RAB8B: variants seen among roughly 807,000 people sequenced by gnomAD.
The protein encoded by RAB8B is ras-related protein Rab-8B.
RAB8B carries 11 observed loss-of-function variants against 32.0 expected under a neutral mutation model. That is an observed-to-expected ratio of 0.34 (90% CI 0.22 to 0.57). RAB8B has a LOEUF of 0.57. RAB8B is among the 20% of genes least tolerant of loss of function. The pLI is 0.86. For synonymous variants in RAB8B, 103 were observed against 89.6 expected, an observed-to-expected ratio of 1.15 and a Z score of -0.85; for missense variants, 190 against 258.5, an observed-to-expected ratio of 0.73 and a Z score of 1.82.
At chr15:63,225,193 T>C (rs1179921407) in intron 1 of RAB8B, among the ~76,000 whole-genome samples, 9 of 152,240 alleles carry the variant, frequency 5.9e-5, no homozygotes, top group Admixed American at 6.5e-5. Context: ...TCTTAGCCTT[T>C]GTTAATGTAA....
At chr15:63,258,121 G>T (rs549342473) in intron 5 of RAB8B, among the ~76,000 whole-genome samples, 262 of 147,410 alleles carry the variant, frequency 1.8e-3, no homozygotes, top group African/African-American at 6.0e-3. Context: ...TTTTATTTGA[G>T]ATGGAGTTTC....
At chr15:63,226,568 C>T (rs932205090) in intron 1 of RAB8B, among the ~76,000 whole-genome samples, 9 of 152,176 alleles carry the variant, frequency 5.9e-5, no homozygotes, top group African/African-American at 1.4e-4. Context: ...CAAGATCTGC[C>T]GTCTATGGTT....
chr15:63,254,571 T>C (rs2038144770), intron 3 of RAB8B, among the ~76,000 whole-genome samples: 1 of 152,076 alleles, frequency 6.6e-6, no homozygotes, highest in African/African-American at 2.4e-5. Flanking sequence ...GATTTTGCAG[T>C]AGCATACAGG....
chr15:63,248,774 G>A lies in RAB8B; in HGVS notation c.186-871G>A, dbSNP rs2038091577. On this transcript the variant is annotated intron_variant, in intron 2 of 7. Transcript: ENST00000321437. The surrounding 1 kb of genome is among the most constrained non-coding windows in gnomAD (Gnocchi z 4.4). Reference sequence around the variant, plus strand: ...TCCCTTGGGCCTTCATCTTTTATTAGGATTTGGTATATACTAGATTTCTAG... The same window carrying A: ...TCCCTTGGGCCTTCATCTTTTATTAAGATTTGGTATATACTAGATTTCTAG... Among the ~76,000 whole-genome samples, 1 of 151,896 alleles carries A rather than the reference G, an allele frequency of 6.6e-6. No individual in the cohort carries two copies. Among genetic ancestry groups the A allele is most frequent in the African/African-American group, 2.4e-5 (1 of 41,318 alleles).
chr15:63,263,784 C>T lies in RAB8B; in HGVS notation c.*165C>T, dbSNP rs1014666412. ...GCCAAGTGGATTCCAGCCTCATGGC[C>T]TAGCAAAAGAACAGACTCCCTTTTT... On this transcript the variant is annotated 3_prime_UTR_variant, in exon 8 of 8. Coordinates refer to ENST00000321437, the MANE Select transcript of RAB8B (RefSeq NM_016530.3). 41 of 522,236 alleles carry T rather than the reference C, an allele frequency of 7.9e-5. No individual in the cohort carries two copies. The highest frequency in any genetic ancestry group is 1.4e-4 in the Admixed American group (4 of 29,108). 32.4% of individuals were successfully genotyped at this position (522,236 alleles called of 1,614,324 possible). A position where few individuals can be genotyped will look rare whatever the true frequency, so the allele number is the denominator to read the frequency against.
At chr15:63,250,442 T>G (rs1490522273) in intron 3 of RAB8B, among the ~76,000 whole-genome samples, 3 of 152,208 alleles carry the variant, frequency 2.0e-5, no homozygotes, top group Non-Finnish European at 4.4e-5. Flanking sequence ...GTCATCCCCC[T>G]GACCACCATT....
intron 6 of RAB8B, among the ~76,000 whole-genome samples, chr15:63,260,060 C>G (rs1413324169): frequency 6.6e-6 from 1 of 152,164 alleles, no homozygotes; most frequent in Non-Finnish European, 1.5e-5. Context: ...GTCTCGATCT[C>G]TTGACCTCGT....
rs1401327596 is a variant in RAB8B at position 63,266,170 on chromosome 15, A to T, written c.*2551A>T. ...TGTGAACATTTTTGTGGTCTTATGG[A>T]TAAGGTACATGAAGATTTTTGCAGC... On this transcript the variant is annotated 3_prime_UTR_variant, in exon 8 of 8. Coordinates refer to ENST00000321437, the MANE Select transcript of RAB8B (RefSeq NM_016530.3). 1.3e-5 allele frequency: 2 copies of T among 152,530 alleles called. No homozygotes were observed. The highest frequency in any genetic ancestry group is 2.9e-5 in the Non-Finnish European group (2 of 67,992). The allele number at this position is 152,530 out of a possible 1,614,324, so 9.4% of individuals were successfully genotyped here. A position where few individuals can be genotyped will look rare whatever the true frequency, so the allele number is the denominator to read the frequency against.
In RAB8B at chr15:63,248,158, C is replaced by CT. The variant is rs1238633286; in HGVS notation, c.186-1481dup. Among the ~76,000 whole-genome samples the CT allele has an allele frequency of 6.6e-6, 1 of 152,124 alleles. No homozygotes were observed. The highest frequency in any genetic ancestry group is 1.5e-5 in the Non-Finnish European group (1 of 68,016). ...CAAAGAAAATGACAGGATAAGATGGCTTTTTTGTAAGGCCTGGCCCAGAGC... is the reference window on the plus strand; with the variant it reads ...CAAAGAAAATGACAGGATAAGATGGCTTTTTTTGTAAGGCCTGGCCCAGAGC... On this transcript the variant is annotated intron_variant, in intron 2 of 7. Transcript: ENST00000321437. This position sits in a 1 kb window ranked among gnomAD's most constrained non-coding sequence, Gnocchi z 4.4.
At position 63,254,067 on chromosome 15, in the gene RAB8B, A is replaced by C. The variant is rs148511770; in HGVS notation, c.247-1440A>C. On this transcript the variant is annotated intron_variant, in intron 3 of 7. Transcript: ENST00000321437. ...TCAGCTTGTGCCCTCCGCCCATTAG[A>C]TCTGTGCAGCCTTGCCAAGCTGACT... Among the ~76,000 whole-genome samples, 316 of 152,248 alleles carry C rather than the reference A, an allele frequency of 2.1e-3. 6 individuals carry two copies. In the South Asian group the frequency reaches 0.031, roughly 15 times the overall value.
chr15:63,244,741 T>A lies in RAB8B; in HGVS notation c.125-15T>A. 1.3e-6 allele frequency: 2 copies of A among 1,542,598 alleles called. No homozygotes were observed. Among genetic ancestry groups the A allele is most frequent in the Non-Finnish European group, 1.8e-6 (2 of 1,120,168 alleles). ...CTGAAGAAACTTAACATATCTTTCT[T>A]TGTTTTTCTGGCAGGAATTGATTTT... is the stretch of plus-strand genomic sequence containing the variant. On this transcript the variant is annotated splice_polypyrimidine_tract_variant and intron_variant, in intron 1 of 7. Coordinates refer to ENST00000321437, the MANE Select transcript of RAB8B (RefSeq NM_016530.3).
chr15:63,192,143 T>C (rs1402868151), intron 1 of RAB8B, among the ~76,000 whole-genome samples: 1 of 152,232 alleles, frequency 6.6e-6, no homozygotes, highest in Non-Finnish European at 1.5e-5. Flanking sequence ...CCCATACCTC[T>C]TATTTAGCCC....
In RAB8B at chr15:63,256,562, A is replaced by G; in HGVS notation, c.382A>G (p.Lys128Glu). Residue 128 changes from lysine (K) to glutamate (E), a missense_variant, in exon 5 of 8, where the codon AAA becomes GAA. This residue lies in a region of RAB8B where 110 missense variants were observed against 115.9 expected (regional missense o/e 0.95). Transcript: ENST00000321437. ...GGGTAACAAATGTGATATGAATGAC[A>G]AAAGACAAGTGTCAAAAGAAAGAGG... Reference protein sequence around the residue: ...ILGNKCDMNDKRQVSKERGEK... With the variant: ...ILGNKCDMNDERQVSKERGEK... 6.2e-7 allele frequency: 1 copy of G among 1,604,848 alleles called. No individual in the cohort carries two copies. Among genetic ancestry groups the G allele is most frequent in the Non-Finnish European group, 8.5e-7 (1 of 1,176,782 alleles).
At chr15:63,241,156 A>G (rs928257285) in intron 1 of RAB8B, among the ~76,000 whole-genome samples, 1 of 152,214 alleles carries the variant, frequency 6.6e-6, no homozygotes, top group Non-Finnish European at 1.5e-5. Context: ...CAGCCTGGTC[A>G]ACATGGTGAA....
In RAB8B at chr15:63,244,823, A is replaced by G. The variant is rs776747480; in HGVS notation, c.185+7A>G. On this transcript the variant is annotated splice_region_variant and intron_variant, in intron 2 of 7. Coordinates refer to ENST00000321437, the MANE Select transcript of RAB8B (RefSeq NM_016530.3). ...AAATTAAGCTTCAGATATGGTAAGT[A>G]AACACACACACAGAGTTTCTGCTTT... 4.4e-5 allele frequency: 69 copies of G among 1,565,458 alleles called. No individual in the cohort carries two copies. In the South Asian group the frequency reaches 6.8e-4, roughly 15 times the overall value.
In RAB8B at chr15:63,189,670, G is replaced by A; in HGVS notation, c.46G>A (p.Asp16Asn). ...TCTCTTCAAGCTCCTGCTGATCGGC[G>A]ACTCGGGGGTAGGCAAGACCTGCCT... ...DYLFKLLLIGDSGVGKTCLLF... is the reference protein window; with the variant it reads ...DYLFKLLLIGNSGVGKTCLLF... Residue 16 changes from aspartate to asparagine, a missense_variant, in exon 1 of 8, where the codon GAC becomes AAC. Coordinates refer to ENST00000321437, the MANE Select transcript of RAB8B (RefSeq NM_016530.3). The A allele has an allele frequency of 1.2e-6, 2 of 1,614,008 alleles. No homozygotes were observed. Among genetic ancestry groups the A allele is most frequent in the Middle Eastern group, 1.6e-4 (1 of 6,062 alleles).
At chr15:63,255,665 C>A (rs1339867068) in intron 4 of RAB8B, 81 bp downstream of exon 4, 20 of 1,161,374 alleles carry the variant, frequency 1.7e-5, no homozygotes, top group Non-Finnish European at 2.4e-5. Flanking sequence ...TGCAAGGCAG[C>A]TGAGCTGCTT....
At chr15:63,263,410 A>G in intron 7 of RAB8B, 117 bp from the exon 8 acceptor site, 1 of 513,062 alleles carries the variant, frequency 1.9e-6, no homozygotes. Context: ...TAGTGAATAC[A>G]CATTTCACTA....
At chr15:63,220,560 A>G (rs568428722) in intron 1 of RAB8B, among the ~76,000 whole-genome samples, 5 of 152,182 alleles carry the variant, frequency 3.3e-5, no homozygotes, top group African/African-American at 9.6e-5. Flanking sequence ...GTCAAGTGGT[A>G]TTTTTTGAAA....
Sources: allele counts gnomAD v4.1 joint callset (sites outside exome capture counted in the v4.1 genomes callset), GRCh38; gene constraint gnomAD v4.1.1; regional missense constraint gnomAD v4.1.1; non-coding constraint Gnocchi (gnomAD v3.1); transcripts MANE v1.5; gene names NCBI Gene and HGNC (gene_info 2026-07-23, HGNC 2026-07-21).